ATP2B2: variants seen among roughly 807,000 people sequenced by gnomAD.
The protein encoded by ATP2B2 is ATPase plasma membrane Ca2+ transporting 2.
A neutral mutation model predicts 120.0 loss-of-function variants in ATP2B2; 15 were observed. The observed-to-expected ratio is 0.12, with a 90% CI of 0.08 to 0.19. The LOEUF is 0.19. ATP2B2 is among the 10% of genes least tolerant of loss of function. The pLI is 1.00. For synonymous variants in ATP2B2, 694 were observed against 700.3 expected, an observed-to-expected ratio of 0.99 and a Z score of 0.14; for missense variants, 1,045 against 1,719.8, an observed-to-expected ratio of 0.61 and a Z score of 6.94.
At chr3:10,646,041 C>A (rs1472654035) in intron 1 of ATP2B2, among the ~76,000 whole-genome samples, 2 of 152,168 alleles carry the variant, frequency 1.3e-5, no homozygotes, top group African/African-American at 4.8e-5. Context: ...CTATCACAGG[C>A]GACCTGAGAG....
Position 10,589,795 on chromosome 3 carries a change from G to C in ATP2B2, c.-415+30122C>G, listed in dbSNP as rs190776425. 2.0e-3 allele frequency among the ~76,000 whole-genome samples: 303 copies of C among 152,312 alleles called. 1 individual carries two copies. Among genetic ancestry groups the C allele is most frequent in the Non-Finnish European group, 2.1e-3 (144 of 68,040 alleles). ...TGCCAACAATCCCAAGTGTGGGTGAGGATGTGGAACCACTGGAGCTCTCAT... is the reference window on the plus strand; with the variant it reads ...TGCCAACAATCCCAAGTGTGGGTGACGATGTGGAACCACTGGAGCTCTCAT... On this transcript the variant is annotated intron_variant, in intron 2 of 21. Coordinates refer to the ATP2B2 transcript ENST00000646379.
intron 1 of ATP2B2, among the ~76,000 whole-genome samples, chr3:10,470,927 G>C (rs1444828211): frequency 2.0e-5 from 3 of 152,198 alleles, no homozygotes; most frequent in Non-Finnish European, 4.4e-5. Flanking sequence ...TACTGACCTG[G>C]GACCCACTGA....
At chr3:10,575,007 C>T (rs2068211823) in intron 2 of ATP2B2, among the ~76,000 whole-genome samples, 2 of 152,138 alleles carry the variant, frequency 1.3e-5, no homozygotes, top group African/African-American at 4.8e-5. Context: ...CTGGGACACA[C>T]CCAGACCCCA....
chr3:10,451,966 G>A (rs567820174), intron 1 of ATP2B2, among the ~76,000 whole-genome samples: 1 of 152,198 alleles, frequency 6.6e-6, no homozygotes, highest in Non-Finnish European at 1.5e-5. Context: ...AATTCTATAA[G>A]GGTTGACCAG....
At chr3:10,395,951 T>C (rs1421318879) in intron 5 of ATP2B2, among the ~76,000 whole-genome samples, 2 of 152,216 alleles carry the variant, frequency 1.3e-5, no homozygotes, top group Admixed American at 6.5e-5. Flanking sequence ...CGTTTGAAGA[T>C]ACACCAGACA....
chr3:10,706,891 T>C (rs2071904591), intron 1 of ATP2B2, among the ~76,000 whole-genome samples: 1 of 152,026 alleles, frequency 6.6e-6, no homozygotes. Flanking sequence ...CTCTAACCCG[T>C]TATAAGAAAG....
At chr3:10,423,739 G>A (rs1166763936) in intron 2 of ATP2B2, among the ~76,000 whole-genome samples, 1 of 152,192 alleles carries the variant, frequency 6.6e-6, no homozygotes, top group Non-Finnish European at 1.5e-5. Flanking sequence ...GCCTTTCAGA[G>A]GCAGTGGATG....
intron 2 of ATP2B2, among the ~76,000 whole-genome samples, chr3:10,412,242 C>A (rs1263443957): frequency 6.6e-6 from 1 of 152,192 alleles, no homozygotes; most frequent in Non-Finnish European, 1.5e-5. Context: ...ATGGATGACC[C>A]ACAGTTGACA....
At chr3:10,602,154 C>G (rs2068941183) in intron 2 of ATP2B2, among the ~76,000 whole-genome samples, 1 of 152,154 alleles carries the variant, frequency 6.6e-6, no homozygotes, top group African/African-American at 2.4e-5. Context: ...TGGCCTCTGC[C>G]CCCTCCCTGC....
chr3:10,409,399 T>A (rs1398900290), intron 3 of ATP2B2, among the ~76,000 whole-genome samples: 2 of 152,240 alleles, frequency 1.3e-5, no homozygotes, highest in Admixed American at 6.5e-5. Flanking sequence ...TATTATTTTT[T>A]AAATTCAGTA....
At chr3:10,348,354 A>G (rs1411456757) in intron 16 of ATP2B2, among the ~76,000 whole-genome samples, 1 of 152,048 alleles carries the variant, frequency 6.6e-6, no homozygotes, top group African/African-American at 2.4e-5. Flanking sequence ...AGGTCCCTCC[A>G]CTGCCAGGCC....
In ATP2B2 at chr3:10,665,952, T is replaced by C. The variant is rs76969158; in HGVS notation, c.-460+41963A>G. 3.0e-3 allele frequency among the ~76,000 whole-genome samples: 450 copies of C among 152,290 alleles called. 2 individuals carry two copies. The highest frequency in any genetic ancestry group is 8.4e-3 in the African/African-American group (348 of 41,558). ...ATTCTTTAGGGTGGAAGAGTCTTCT[T>C]AGGGATATCCTGAATGCCCCTCACT... On this transcript the variant is annotated intron_variant, in intron 1 of 21. Coordinates refer to the ATP2B2 transcript ENST00000646379.
chr3:10,378,657 T>C (rs2061445300), intron 9 of ATP2B2, among the ~76,000 whole-genome samples: 1 of 152,198 alleles, frequency 6.6e-6, no homozygotes, highest in Admixed American at 6.5e-5. Flanking sequence ...CAGGGACTGA[T>C]GCTGTTACCC....
chr3:10,460,239 G>A (rs534642562), intron 1 of ATP2B2, among the ~76,000 whole-genome samples: 10 of 152,210 alleles, frequency 6.6e-5, no homozygotes, highest in Non-Finnish European at 1.2e-4. Flanking sequence ...GGCTGGGAGT[G>A]AGAACTGCCC....
Position 10,340,173 on chromosome 3 carries a change from G to T in ATP2B2, c.3237+69C>A. ...TGGCAGCCCATTCCTGGGGGTCCTGGATTCTCCATCCAGTGCTGTCTCCCT... is the reference window on the plus strand; with the variant it reads ...TGGCAGCCCATTCCTGGGGGTCCTGTATTCTCCATCCAGTGCTGTCTCCCT... On this transcript the variant is annotated intron_variant, in intron 21 of 22. Coordinates refer to ENST00000360273, the MANE Select transcript of ATP2B2 (RefSeq NM_001001331.4). This position sits in a 1 kb window ranked among gnomAD's most constrained non-coding sequence, Gnocchi z 5.0. The T allele has an allele frequency of 2.7e-6, 4 of 1,482,594 alleles. No homozygotes were observed. The highest frequency in any genetic ancestry group is 2.8e-6 in the Non-Finnish European group (3 of 1,067,978). The allele number at this position is 1,482,594 out of a possible 1,614,324, so 91.8% of individuals were successfully genotyped here. A position where few individuals can be genotyped will look rare whatever the true frequency, so the allele number is the denominator to read the frequency against.
chr3:10,484,139 C>T (rs2065529858), intron 1 of ATP2B2, among the ~76,000 whole-genome samples: 1 of 152,160 alleles, frequency 6.6e-6, no homozygotes, highest in African/African-American at 2.4e-5. Context: ...ATGGTGCTGG[C>T]CCTGGCTTTG....
intron 8 of ATP2B2, among the ~76,000 whole-genome samples, chr3:10,381,999 T>C (rs933112285): frequency 1.3e-5 from 2 of 152,136 alleles, no homozygotes; most frequent in African/African-American, 4.8e-5. Flanking sequence ...GTGATGTTTA[T>C]GAAAGGCACT....
rs936134597 is a variant in ATP2B2, at chr3:10,647,397, C to T, written c.-459-27436G>A. Among the ~76,000 whole-genome samples, 17 of 152,152 alleles carry T rather than the reference C, an allele frequency of 1.1e-4. No homozygotes were observed. In the East Asian group the frequency reaches 1.5e-3, roughly 14 times the overall value. ...CCCTAGCTCTCTGCTTTATTTTGTT[C>T]GGTTTTTCTTCTCTCGCTTCCCCTA... On this transcript the variant is annotated intron_variant, in intron 1 of 21. Coordinates refer to the ATP2B2 transcript ENST00000646379.
chr3:10,690,898 C>A (rs533402979), intron 1 of ATP2B2, among the ~76,000 whole-genome samples: 30 of 152,340 alleles, frequency 2.0e-4, no homozygotes, highest in African/African-American at 6.5e-4. Context: ...AAATCCATAA[C>A]CACCTATTAA....
Sources: allele counts gnomAD v4.1 joint callset (sites outside exome capture counted in the v4.1 genomes callset), GRCh38; gene constraint gnomAD v4.1.1; non-coding constraint Gnocchi (gnomAD v3.1); transcripts MANE v1.5; gene names NCBI Gene and HGNC (gene_info 2026-07-23, HGNC 2026-07-21).